The following KLF12 variants were observed in gnomAD, a reference collection of about 807,000 sequenced individuals.
The protein encoded by KLF12 is Krueppel-like factor 12.
A neutral mutation model predicts 37.8 loss-of-function variants in KLF12; 9 were observed. That is an observed-to-expected ratio of 0.24 (90% confidence interval 0.14 to 0.42). KLF12 has a LOEUF of 0.42. KLF12 is among the 10% of genes least tolerant of loss of function. The pLI is 1.00. For synonymous variants in KLF12, 208 were observed against 202.1 expected, an observed-to-expected ratio of 1.03 and a Z score of -0.25; for missense variants, 411 against 516.0, an observed-to-expected ratio of 0.80 and a Z score of 1.97.
chr13:73,819,290 T>C (rs1056206835), intron 4 of KLF12, among the ~76,000 whole-genome samples: 3 of 152,208 alleles, frequency 2.0e-5, no homozygotes, highest in Middle Eastern at 3.2e-3. Context: ...CACTTAGTCC[T>C]GGCCTGGCTC....
At chr13:74,245,908 A>G in the KLF12 span, among the ~76,000 whole-genome samples, 1 of 152,244 alleles carries the variant, frequency 6.6e-6, no homozygotes, top group Non-Finnish European at 1.5e-5. Context: ...TAAAGTATCA[A>G]TGAAAAACTA....
intron 4 of KLF12, among the ~76,000 whole-genome samples, chr13:73,828,950 A>G (rs1594140317): frequency 1.3e-5 from 2 of 152,202 alleles, no homozygotes; most frequent in East Asian, 3.9e-4. Flanking sequence ...AGAGAATGTA[A>G]CTAATACTTT....
Position 73,999,152 on chromosome 13 carries a change from A to C in KLF12, c.-31-4099T>G, listed in dbSNP as rs114331365. Among the ~76,000 whole-genome samples the C allele has an allele frequency of 5.7e-3, 876 of 152,360 alleles. 9 individuals are homozygous for C. Among genetic ancestry groups the C allele is most frequent in the African/African-American group, 0.02 (818 of 41,586 alleles). ...GTACTTCACTTTCCATTTCAGGTAC[A>C]CATTTTCAAGTAAAGTCCACACATG... On this transcript the variant is annotated intron_variant, in intron 1 of 7. Coordinates refer to ENST00000377669, the MANE Select transcript of KLF12 (RefSeq NM_007249.5).
At chr13:74,284,359 T>C in the KLF12 span, among the ~76,000 whole-genome samples, 1 of 152,116 alleles carries the variant, frequency 6.6e-6, no homozygotes, top group Non-Finnish European at 1.5e-5. Context: ...CAAAAAGTCT[T>C]GAAGGGGGAC....
chr13:74,273,577 G>A, the KLF12 span, among the ~76,000 whole-genome samples: 2 of 151,722 alleles, frequency 1.3e-5, no homozygotes, highest in South Asian at 2.1e-4. Context: ...AATATTTGCT[G>A]TAATCTTAGT....
chr13:73,741,335 C>T (rs960698113), intron 6 of KLF12, among the ~76,000 whole-genome samples: 1 of 151,648 alleles, frequency 6.6e-6, no homozygotes, highest in Non-Finnish European at 1.5e-5. Flanking sequence ...TCCCTGACCC[C>T]GGGAGAGCTA....
chr13:73,843,220 A>G (rs1354896463), intron 4 of KLF12, among the ~76,000 whole-genome samples: 1 of 151,958 alleles, frequency 6.6e-6, no homozygotes, highest in Non-Finnish European at 1.5e-5. Context: ...TTTGAATATT[A>G]TTGATTTTGG....
upstream of KLF12, among the ~76,000 whole-genome samples, chr13:74,137,162 A>G (rs1240108822): frequency 6.6e-6 from 1 of 152,202 alleles, no homozygotes; most frequent in African/African-American, 2.4e-5. Context: ...AAAGGTGCGG[A>G]TTTTTAATGT....
chr13:73,830,991 TACACACACACAC>T (rs71115618), intron 4 of KLF12, among the ~76,000 whole-genome samples: 1 of 118,928 alleles, frequency 8.4e-6, no homozygotes, highest in African/African-American at 2.9e-5. Context: ...ACGCAATTCA[TACACACACACAC>T]ACACACACAC....
intron 1 of KLF12, among the ~76,000 whole-genome samples, chr13:74,102,408 A>T (rs1160533421): frequency 6.6e-6 from 1 of 151,242 alleles, no homozygotes; most frequent in African/African-American, 2.4e-5. Flanking sequence ...TCAAAAATTA[A>T]CATCATTGGC....
At chr13:73,842,143 T>C (rs1884769931) in intron 4 of KLF12, among the ~76,000 whole-genome samples, 2 of 152,182 alleles carry the variant, frequency 1.3e-5, no homozygotes, top group Admixed American at 1.3e-4. Flanking sequence ...ATTCTGTCCT[T>C]AGTCAAGCAT....
chr13:73,699,708 A>G (rs968281083), intron 7 of KLF12, among the ~76,000 whole-genome samples: 2 of 152,222 alleles, frequency 1.3e-5, no homozygotes, highest in East Asian at 1.9e-4. Flanking sequence ...GTGGGGTTAC[A>G]ACATGAGAAG....
intron 5 of KLF12, among the ~76,000 whole-genome samples, chr13:73,781,367 C>A (rs1422556859): frequency 6.6e-6 from 1 of 152,190 alleles, no homozygotes; most frequent in Non-Finnish European, 1.5e-5. Flanking sequence ...ACTGAACCCA[C>A]AATATCTCTG....
At chr13:74,117,646 G>T (rs1877385095) in intron 1 of KLF12, among the ~76,000 whole-genome samples, 1 of 152,100 alleles carries the variant, frequency 6.6e-6, no homozygotes, top group African/African-American at 2.4e-5. Flanking sequence ...AGTAATTAAG[G>T]TTAAGATCAT....
At chr13:74,078,600 C>T (rs9530274) in intron 1 of KLF12, among the ~76,000 whole-genome samples, 62,310 of 152,016 alleles carry the variant, frequency 0.41, 13,987 homozygotes, top group East Asian at 0.81. Flanking sequence ...TATATGTATA[C>T]ACCCACATTT....
intron 6 of KLF12, among the ~76,000 whole-genome samples, chr13:73,732,079 C>T (rs537732367): frequency 8.2e-6 from 1 of 121,216 alleles, no homozygotes; most frequent in African/African-American, 3.3e-5. Context: ...TAATTATTAA[C>T]CCTATTTTTT....
chr13:73,698,443 C>G (rs368817536), intron 7 of KLF12, among the ~76,000 whole-genome samples: 2 of 152,082 alleles, frequency 1.3e-5, no homozygotes, highest in Admixed American at 6.5e-5. Context: ...TTAAAATTCT[C>G]TAATTTCTTC....
intron 3 of KLF12, among the ~76,000 whole-genome samples, chr13:73,884,918 C>T (rs1887148069): frequency 6.6e-6 from 1 of 152,148 alleles, no homozygotes; most frequent in South Asian, 2.1e-4. Flanking sequence ...GTACTTGCTT[C>T]TTCTGACCTC....
chr13:74,169,419 C>T, the KLF12 span, among the ~76,000 whole-genome samples: 1 of 152,112 alleles, frequency 6.6e-6, no homozygotes, highest in African/African-American at 2.4e-5. Flanking sequence ...AAATATTAAA[C>T]AATTGCAGAG....
Sources: allele counts gnomAD v4.1 joint callset (sites outside exome capture counted in the v4.1 genomes callset), GRCh38; gene constraint gnomAD v4.1.1; transcripts MANE v1.5; gene names NCBI Gene and HGNC (gene_info 2026-07-23, HGNC 2026-07-21).